Variants in IMPG2 observed in about 807,000 individuals in gnomAD.
IMPG2 encodes interphotoreceptor matrix proteoglycan 2.
Under a neutral mutation model 129.2 loss-of-function variants are expected in IMPG2, and 91 were observed. The observed-to-expected ratio is 0.70, with a 90% CI of 0.59 to 0.84. IMPG2 has a LOEUF of 0.84. IMPG2 is among the 40% of genes least tolerant of loss of function. The pLI, the probability that IMPG2 is intolerant of heterozygous loss-of-function variation, is 0.00. For missense variants in IMPG2, 1,430 were observed against 1,461.7 expected, an observed-to-expected ratio of 0.98 and a Z score of 0.35; for synonymous variants, 510 against 517.7, an observed-to-expected ratio of 0.99 and a Z score of 0.20.
At chr3:101,292,109 C>T (rs1707024491) in intron 3 of IMPG2, among the ~76,000 whole-genome samples, 1 of 152,144 alleles carries the variant, frequency 6.6e-6, no homozygotes, top group South Asian at 2.1e-4. Context: ...TCCAGTTTCC[C>T]CTCCTTAGCT....
rs766597042 is a variant in IMPG2, at chr3:101,256,211, AAG to A, written c.1153+1316_1153+1317del. On this transcript the variant is annotated intron_variant, in intron 10 of 18. Transcript: ENST00000193391. ...AAAGAAAGAAAGAAAGAAAGAAAGA[AAG>A]AAAGAAAAAAATATCTTATTTGGGA... is the stretch of plus-strand genomic sequence containing the variant. Among the ~76,000 whole-genome samples the A allele has an allele frequency of 3.9e-4, 59 of 150,690 alleles. 1 individual carries two copies. The highest frequency in any genetic ancestry group is 6.4e-4 in the Non-Finnish European group (43 of 67,486).
At position 101,273,657 on chromosome 3, in the gene IMPG2, C is replaced by G; in HGVS notation, c.752G>C (p.Gly251Ala). ...QIAEFSIHLL[G>A]KQYREELQDS... The stretch of plus-strand genomic sequence containing the variant: ...CTGTAGTTCTTCCCTGTACTGCTTC[C>G]CCAAAAGGTGGATACTGAATTCTGC... The change falls in exon 7 of 19, where the codon GGG becomes GCG. Residue 251 changes from glycine to alanine, a missense_variant. Transcript: ENST00000193391. The G allele has an allele frequency of 6.2e-7, 1 of 1,613,994 alleles. No individual in the cohort carries two copies. The highest frequency in any genetic ancestry group is 1.1e-5 in the South Asian group (1 of 91,072).
intron 14 of IMPG2, among the ~76,000 whole-genome samples, chr3:101,240,956 G>T (rs938752354): frequency 1.3e-5 from 2 of 152,178 alleles, no homozygotes; most frequent in Non-Finnish European, 1.5e-5. Flanking sequence ...TAGAAAGGAA[G>T]GAAGAAGAAA....
chr3:101,312,374 C>G (rs997971420), intron 2 of IMPG2, among the ~76,000 whole-genome samples: 1 of 151,906 alleles, frequency 6.6e-6, no homozygotes, highest in Non-Finnish European at 1.5e-5. Context: ...TCTGAACAGA[C>G]ATTTTCAAAG....
At chr3:101,234,010 T>C (rs757316592) in intron 14 of IMPG2, among the ~76,000 whole-genome samples, 2 of 151,858 alleles carry the variant, frequency 1.3e-5, no homozygotes, top group Non-Finnish European at 2.9e-5. Flanking sequence ...CCCTTGGAGT[T>C]TGGAGATCAC....
intron 11 of IMPG2, among the ~76,000 whole-genome samples, chr3:101,249,943 C>T (rs1184314964): frequency 3.9e-5 from 6 of 152,048 alleles, no homozygotes; most frequent in African/African-American, 1.4e-4. Context: ...CCTTGGTGCA[C>T]TCCTATAGTG....
At chr3:101,240,308 G>A (rs1706393355) in intron 14 of IMPG2, among the ~76,000 whole-genome samples, 1 of 151,926 alleles carries the variant, frequency 6.6e-6, no homozygotes, top group Admixed American at 6.6e-5. Context: ...CTGTAGAGAT[G>A]GAGACTCACT....
chr3:101,240,549 T>C (rs1231001584), intron 14 of IMPG2, among the ~76,000 whole-genome samples: 10 of 152,178 alleles, frequency 6.6e-5, no homozygotes, highest in Admixed American at 6.5e-4. Flanking sequence ...TCTCATAAAA[T>C]ACAGAGGCCA....
chr3:101,280,808 G>A (rs1706885223), intron 4 of IMPG2, among the ~76,000 whole-genome samples: 1 of 152,052 alleles, frequency 6.6e-6, no homozygotes, highest in African/African-American at 2.4e-5. Context: ...AATTAGCCGG[G>A]CATAGTGGCA....
At position 101,253,676 on chromosome 3, in the gene IMPG2, C is replaced by T; in HGVS notation, c.1239+20G>A. 5 of 1,567,200 alleles carry T rather than the reference C, an allele frequency of 3.2e-6. No homozygotes were observed. Among genetic ancestry groups the T allele is most frequent in the Non-Finnish European group, 4.4e-6 (5 of 1,139,572 alleles). ...GAGAAGCTTGAGGGCCTGGTTCTAG[C>T]ATAAAACATAAAAACATACCAGAAT... On this transcript the variant is annotated intron_variant, in intron 11 of 18. Transcript: ENST00000193391.
At chr3:101,269,368 A>G (rs1475256000) in intron 8 of IMPG2, 147 bp downstream of exon 8, 2 of 603,184 alleles carry the variant, frequency 3.3e-6, no homozygotes, top group African/African-American at 1.9e-5. Context: ...AAAAACTAAC[A>G]TCAAGAATAC....
chr3:101,261,966 A>C (rs984663107), intron 9 of IMPG2, among the ~76,000 whole-genome samples: 3 of 152,112 alleles, frequency 2.0e-5, no homozygotes, highest in African/African-American at 7.2e-5. Context: ...CAGCTGCTAT[A>C]CAGAGGAGAG....
intron 14 of IMPG2, among the ~76,000 whole-genome samples, chr3:101,234,088 A>T (rs1706319636): frequency 6.6e-6 from 1 of 151,242 alleles, no homozygotes; most frequent in Admixed American, 6.6e-5. Flanking sequence ...GTGTCCCCAG[A>T]AGTTCATGTC....
intron 9 of IMPG2, among the ~76,000 whole-genome samples, chr3:101,260,832 G>A (rs1225464114): frequency 6.6e-6 from 1 of 152,068 alleles, no homozygotes; most frequent in Admixed American, 6.6e-5. Context: ...TTACTTTTTG[G>A]CTCTATGTCC....
chr3:101,271,803 G>A (rs979737776), intron 7 of IMPG2, among the ~76,000 whole-genome samples: 12 of 152,316 alleles, frequency 7.9e-5, no homozygotes, highest in Admixed American at 7.8e-4. Flanking sequence ...TTGAAAGGCA[G>A]TAGGAGACCT....
At chr3:101,298,166 CT>C (rs1707099827) in intron 3 of IMPG2, among the ~76,000 whole-genome samples, 2 of 151,672 alleles carry the variant, frequency 1.3e-5, no homozygotes, top group East Asian at 1.9e-4. Context: ...CCTTCTTTGT[CT>C]TTTTTTATCT....
chr3:101,316,884 T>C (rs1559662059), intron 2 of IMPG2, among the ~76,000 whole-genome samples: 1 of 151,988 alleles, frequency 6.6e-6, no homozygotes, highest in Non-Finnish European at 1.5e-5. Context: ...TACCCAACAA[T>C]AAAAGCTAAC....
At chr3:101,315,869 A>T (rs1486057119) in intron 2 of IMPG2, among the ~76,000 whole-genome samples, 2 of 152,054 alleles carry the variant, frequency 1.3e-5, no homozygotes. Context: ...GGACTTGACT[A>T]TCTGATTCAA....
chr3:101,275,566 C>T, intron 6 of IMPG2, 97 bp downstream of exon 6: 1 of 896,124 alleles, frequency 1.1e-6, no homozygotes, highest in Non-Finnish European at 1.9e-6. Context: ...CAGGACACTA[C>T]ATGAAGTCCT....
Sources: allele counts gnomAD v4.1 joint callset (sites outside exome capture counted in the v4.1 genomes callset), GRCh38; gene constraint gnomAD v4.1.1; transcripts MANE v1.5; gene names NCBI Gene and HGNC (gene_info 2026-07-23, HGNC 2026-07-21).